SEMA4D: variants seen among roughly 807,000 people sequenced by gnomAD.
SEMA4D encodes the protein semaphorin-4D.
A neutral mutation model predicts 74.8 loss-of-function variants in SEMA4D; 22 were observed. The observed-to-expected ratio is 0.29, with a 90% confidence interval of 0.21 to 0.42. SEMA4D has a LOEUF of 0.42. SEMA4D is among the 10% of genes least tolerant of loss of function. The pLI is 1.00. For synonymous variants in SEMA4D, 445 were observed against 463.7 expected (o/e 0.96, Z 0.52); for missense variants, 937 against 1,118.4 (o/e 0.84, Z 2.31).
intron 16 of SEMA4D, chr9:89,363,965 C>G (rs147013702): frequency 1.9e-6 from 3 of 1,614,016 alleles, no homozygotes; most frequent in East Asian, 2.2e-5. Flanking sequence ...GGACACAGAC[C>G]GTTTCCACCT....
Position 89,379,618 on chromosome 9 carries a change from C to A in SEMA4D, c.1675G>T (p.Gly559Ter). The A allele has an allele frequency of 3.7e-6, 6 of 1,607,664 alleles. No homozygotes were observed. Among genetic ancestry groups the A allele is most frequent in the Non-Finnish European group, 5.1e-6 (6 of 1,175,586 alleles). The change falls in exon 16 of 16, where the codon GGA becomes TGA. Residue 559 changes from glycine (G) to a stop codon, truncating the protein, a stop_gained. Transcript: ENST00000422704. LOFTEE classifies it low-confidence loss of function (END_TRUNC). ...TTGAAAAAATGCTGCCGGTAACTTCCTTTACTTTTATCTGGAACATCAAAA... is the reference window on the plus strand; with the variant it reads ...TTGAAAAAATGCTGCCGGTAACTTCATTTACTTTTATCTGGAACATCAAAA... ...DASVCPDKSK[G>*]SYRQHFFKHG...
intron 1 of SEMA4D, among the ~76,000 whole-genome samples, chr9:89,477,918 AAAAG>A (rs1346436498): frequency 6.6e-6 from 1 of 152,220 alleles, no homozygotes; most frequent in Non-Finnish European, 1.5e-5. Context: ...ACTCGCATAA[AAAAG>A]ATAGAAGGCA....
chr9:89,370,184 ATGTG>A (rs911182376), intron 16 of SEMA4D, among the ~76,000 whole-genome samples: 1 of 145,704 alleles, frequency 6.9e-6, no homozygotes, highest in East Asian at 2.1e-4. Flanking sequence ...ATGGTGTTTG[ATGTG>A]TGTGTGGTGT....
intron 11 of SEMA4D, 131 bp downstream of exon 11, chr9:89,388,505 C>T: frequency 9.1e-7 from 1 of 1,104,052 alleles, no homozygotes; most frequent in Non-Finnish European, 1.3e-6. Flanking sequence ...CATCGGCCGT[C>T]CCTGTCCCAA....
intron 2 of SEMA4D, among the ~76,000 whole-genome samples, chr9:89,428,947 C>T (rs1004570318): frequency 7.2e-5 from 11 of 152,230 alleles, no homozygotes; most frequent in Admixed American, 2.0e-4. Context: ...CTGCAGGCTC[C>T]GCATGACTGC....
chr9:89,462,244 T>A (rs1198627698), intron 1 of SEMA4D, among the ~76,000 whole-genome samples: 1 of 152,194 alleles, frequency 6.6e-6, no homozygotes, highest in Non-Finnish European at 1.5e-5. Context: ...TTCTTGAAAC[T>A]TGATTTCTCA....
chr9:89,379,451 C>T lies in SEMA4D; in HGVS notation c.1842G>A (p.Leu614=), dbSNP rs775567570. The change falls in exon 16 of 16, where the codon TTG becomes TTA. Residue 614 remains leucine, a synonymous_variant. Transcript: ENST00000422704. ...GGTACACCCCACTGTCTCCTTCTGA[C>T]AAGTTGAAGATGAGCAAGTTTTTTC... The part of the protein sequence containing the change: ...MGRKNLLIFN[L]SEGDSGVYQC... The T allele has an allele frequency of 1.9e-5, 30 of 1,614,090 alleles. No individual in the cohort carries two copies. The highest frequency in any genetic ancestry group is 2.3e-5 in the Non-Finnish European group (27 of 1,180,048).
At chr9:89,429,639 G>A (rs1167204805) in intron 2 of SEMA4D, among the ~76,000 whole-genome samples, 4 of 152,128 alleles carry the variant, frequency 2.6e-5, no homozygotes, top group African/African-American at 7.2e-5. Flanking sequence ...CTTGGAGCCT[G>A]GTGAGCACTT....
chr9:89,464,125 C>G (rs1858053669), intron 1 of SEMA4D, among the ~76,000 whole-genome samples: 2 of 152,122 alleles, frequency 1.3e-5, no homozygotes. Context: ...TTCCCCCACC[C>G]CCAAGAAAAC....
intron 2 of SEMA4D, among the ~76,000 whole-genome samples, chr9:89,426,097 C>T (rs549350464): frequency 3.9e-5 from 6 of 152,314 alleles, no homozygotes; most frequent in South Asian, 2.1e-4. Flanking sequence ...GCAGGGGGAG[C>T]GCATGCAGTT....
chr9:89,476,621 A>G (rs890805261), intron 1 of SEMA4D, among the ~76,000 whole-genome samples: 1 of 152,208 alleles, frequency 6.6e-6, no homozygotes, highest in Non-Finnish European at 1.5e-5. Flanking sequence ...AGCCTGCTGT[A>G]TATTTTAGAC....
intron 1 of SEMA4D, among the ~76,000 whole-genome samples, chr9:89,481,254 G>A (rs1824639336): frequency 6.6e-6 from 1 of 152,170 alleles, no homozygotes; most frequent in Non-Finnish European, 1.5e-5. Context: ...TGCACAGAGG[G>A]GACAGCTGGA....
At chr9:89,405,213 C>G (rs1052584208) in intron 3 of SEMA4D, 138 bp downstream of exon 3, 10 of 713,888 alleles carry the variant, frequency 1.4e-5, no homozygotes, top group Non-Finnish European at 2.2e-5. Context: ...AGTGGAGTCC[C>G]TGTCCCGTTC....
At chr9:89,371,197 A>ATG (rs1474399044) in intron 16 of SEMA4D, among the ~76,000 whole-genome samples, 80 of 26,634 alleles carry the variant, frequency 3.0e-3, no homozygotes, top group African/African-American at 3.1e-3. Context: ...TGTGGTGTGT[A>ATG]TCTGGGGTGT....
At position 89,387,624 on chromosome 9, in the gene SEMA4D, C is replaced by T. The variant is rs1167131761; in HGVS notation, c.1108-16G>A. The T allele has an allele frequency of 6.2e-7, 1 of 1,611,940 alleles. No individual in the cohort carries two copies. The highest frequency in any genetic ancestry group is 1.1e-5 in the South Asian group (1 of 91,022). On this transcript the variant is annotated splice_polypyrimidine_tract_variant and intron_variant, in intron 11 of 15. Transcript: ENST00000422704. ...TGTCGATGCACTGCAGGGAGAAAAT[C>T]CCCGCTGTTAACGTGCTCGTGTCCC...
chr9:89,446,375 A>C (rs1047235593), intron 2 of SEMA4D, among the ~76,000 whole-genome samples: 4 of 152,178 alleles, frequency 2.6e-5, no homozygotes, highest in South Asian at 2.1e-4. Context: ...AAGGGTTAGA[A>C]CCTGGTATTT....
chr9:89,388,827 C>A (rs373690498), intron 10 of SEMA4D, 35 bp from the exon 11 acceptor site: 81 of 1,605,934 alleles, frequency 5.0e-5, no homozygotes, highest in Non-Finnish European at 6.6e-5. Flanking sequence ...GACCACCTGG[C>A]GGCATCAAGG....
rs150353016 is a variant in SEMA4D, at chr9:89,371,179, G to GT, written c.1882+5653_1882+5654insA. Among the ~76,000 whole-genome samples the GT allele has an allele frequency of 2.7e-3, 279 of 104,232 alleles. 27 individuals are homozygous for GT. The East Asian group carries it at 0.053, about 20-fold the overall frequency. 68.4% of individuals were successfully genotyped at this position (104,232 alleles called of 152,430 possible). A position where few individuals can be genotyped will look rare whatever the true frequency, so the allele number is the denominator to read the frequency against. On this transcript the variant is annotated intron_variant, in intron 16 of 18. Coordinates refer to the SEMA4D transcript ENST00000339861. ...TGTCTGGGGTGTATAAGGTGTGTGT[G>GT]GGGGGGGTGTGGTGTGTATCTGGGG... is the stretch of plus-strand genomic sequence containing the variant.
At chr9:89,474,746 G>A (rs1349804867) in intron 1 of SEMA4D, among the ~76,000 whole-genome samples, 5 of 152,176 alleles carry the variant, frequency 3.3e-5, no homozygotes, top group African/African-American at 1.2e-4. Context: ...TCAAAGAAGA[G>A]AAAAAAGCCA....
Sources: gnomAD v4.1 joint callset for allele counts (sites outside exome capture counted in the v4.1 genomes callset) on GRCh38, gnomAD v4.1.1 for gene constraint, MANE v1.5 for transcripts, NCBI Gene and HGNC (gene_info 2026-07-23, HGNC 2026-07-21) for gene names.